The following ZNF765 variants were observed in gnomAD, a reference collection of about 807,000 sequenced individuals.
ZNF765 encodes the protein zinc finger protein 765.
A neutral mutation model predicts 44.7 loss-of-function variants in ZNF765; 37 were observed. The ratio of observed to expected loss-of-function variants is 0.83; its 90% CI spans 0.64 to 1.09. The LOEUF is 1.09. Ranked by LOEUF, ZNF765 falls within the 50% of genes least tolerant of loss-of-function variation. ZNF765 has a pLI of 0.00. For missense variants in ZNF765, 594 were observed against 626.1 expected (o/e 0.95, Z 0.55); for synonymous variants, 201 against 213.7 (o/e 0.94, Z 0.52).
chr19:53,425,901 C>T (rs2085936248), exon 4 of ZNF765: 1 of 152,360 alleles, frequency 6.6e-6, no homozygotes, highest in Non-Finnish European at 1.5e-5. Flanking sequence ...AGATCGAAAC[C>T]ATCCTGGCCA....
rs374774697 is a variant in ZNF765 at position 53,400,763 on chromosome 19, C to CATACATATATAT, written c.16-1299_16-1298insCATATATATATA. On this transcript the variant is annotated intron_variant, in intron 2 of 3. Coordinates refer to ENST00000396408, the MANE Select transcript of ZNF765 (RefSeq NM_001040185.3). The stretch of plus-strand genomic sequence containing the variant: ...CTGTGTAGGTTTCATTATTTGTTGA[C>CATACATATATAT]ATATATATATATATATATATACACA... 1.7e-5 allele frequency among the ~76,000 whole-genome samples: 2 copies of CATACATATATAT among 116,784 alleles called. 1 individual carries two copies. The allele number at this position is 116,784 out of a possible 152,430, so 76.6% of individuals were successfully genotyped here. A position where few individuals can be genotyped will look rare whatever the true frequency, so the allele number is the denominator to read the frequency against.
exon 4 of ZNF765, chr19:53,426,849 A>G (rs1183610663): frequency 6.6e-6 from 1 of 151,834 alleles, no homozygotes; most frequent in Admixed American, 6.6e-5. Flanking sequence ...GCTAATCTAG[A>G]CAGTTCTCTG....
downstream of ZNF765, among the ~76,000 whole-genome samples, chr19:53,412,180 C>T (rs1326934325): frequency 6.6e-6 from 1 of 152,122 alleles, no homozygotes; most frequent in Non-Finnish European, 1.5e-5. Context: ...GATGGTCTTT[C>T]TATTGTTTAG....
rs1001127224 is a variant in ZNF765 at position 53,418,442 on chromosome 19, C to T, written c.143-4620C>T. Among the ~76,000 whole-genome samples, 28 of 152,130 alleles carry T rather than the reference C, an allele frequency of 1.8e-4. 1 individual carries two copies. Among genetic ancestry groups the T allele is most frequent in the Non-Finnish European group, 5.9e-5 (4 of 68,024 alleles). ...TGTGACAGCAGGTGAGTACACAGAA[C>T]CACAATCCCATATCTAGCAGCCTGG... On this transcript the variant is annotated intron_variant, in intron 3 of 3. Transcript: ENST00000594030.
intron 2 of ZNF765, among the ~76,000 whole-genome samples, chr19:53,399,496 CA>C (rs1193069220): frequency 1.3e-5 from 2 of 151,528 alleles, no homozygotes; most frequent in East Asian, 3.9e-4. Flanking sequence ...AAAAATTATT[CA>C]ATAAATTGAA....
intron 1 of ZNF765, among the ~76,000 whole-genome samples, chr19:53,395,415 A>G (rs566738116): frequency 6.6e-6 from 1 of 152,240 alleles, no homozygotes; most frequent in African/African-American, 2.4e-5. Context: ...AGGGCAATGT[A>G]TACACTTTCT....
At position 53,411,109 on chromosome 19, in the gene ZNF765, A is replaced by G. The variant is rs2085829395; in HGVS notation, c.*1982A>G. 3 of 239,592 alleles carry G rather than the reference A, an allele frequency of 1.3e-5. No individual in the cohort carries two copies. The Admixed American group carries it at 1.5e-4, about 12-fold the overall frequency. The allele number at this position is 239,592 out of a possible 1,614,324, so 14.8% of individuals were successfully genotyped here. A position where few individuals can be genotyped will look rare whatever the true frequency, so the allele number is the denominator to read the frequency against. ...TAACATTGAGTTGAAGCCTTAATTGACATTAAAGTGTTTATGTTAAGAGGA... is the reference window on the plus strand; with the variant it reads ...TAACATTGAGTTGAAGCCTTAATTGGCATTAAAGTGTTTATGTTAAGAGGA... On this transcript the variant is annotated 3_prime_UTR_variant, in exon 4 of 4. Transcript: ENST00000396408.
At position 53,408,981 on chromosome 19, in the gene ZNF765, A is replaced by T. The variant is rs2085807373; in HGVS notation, c.1426A>T (p.Ser476Cys). ...GTGTAATGAGTGTGGCAAGACCTTC[A>T]GCCGGACGTCATCCCTTACATACCA... ...YKCNECGKTF[S>C]RTSSLTYHHR... Residue 476 changes from serine to cysteine, a missense_variant, in exon 4 of 4, where the codon AGC becomes TGC. This residue lies in a region of ZNF765 where 567 missense variants were observed against 572.6 expected (regional missense o/e 0.99). Coordinates refer to ENST00000396408, the MANE Select transcript of ZNF765 (RefSeq NM_001040185.3). 2 of 1,604,018 alleles carry T rather than the reference A, an allele frequency of 1.2e-6. No individual in the cohort carries two copies. The highest frequency in any genetic ancestry group is 3.4e-5 in the Admixed American group (2 of 59,594).
At position 53,409,017 on chromosome 19, in the gene ZNF765, C is replaced by T; in HGVS notation, c.1462C>T (p.His488Tyr). 1.2e-6 allele frequency: 2 copies of T among 1,603,730 alleles called. No homozygotes were observed. The highest frequency in any genetic ancestry group is 8.5e-7 in the Non-Finnish European group (1 of 1,172,870). ...TSSLTYHHRL[H>Y]TGQKPYKCED... ...ATCCCTTACATACCATCATAGACTTCATACTGGACAGAAACCTTACAAATG... is the reference window on the plus strand; with the variant it reads ...ATCCCTTACATACCATCATAGACTTTATACTGGACAGAAACCTTACAAATG... The change falls in exon 4 of 4, where the codon CAT becomes TAT. Residue 488 changes from histidine to tyrosine, a missense_variant. His to Tyr is a moderately conservative substitution (Grantham distance 83). This residue lies in a region of ZNF765 where 567 missense variants were observed against 572.6 expected (regional missense o/e 0.99). Coordinates refer to ENST00000396408, the MANE Select transcript of ZNF765 (RefSeq NM_001040185.3).
At chr19:53,416,906 C>T (rs1257835667), downstream of ZNF765, among the ~76,000 whole-genome samples, 1 of 151,882 alleles carries the variant, frequency 6.6e-6, no homozygotes, top group African/African-American at 2.4e-5. Flanking sequence ...CAACCTCTGC[C>T]TCGCAGGTTT....
downstream of ZNF765, among the ~76,000 whole-genome samples, chr19:53,414,934 T>C (rs1753869570): frequency 6.6e-6 from 1 of 152,160 alleles, no homozygotes; most frequent in African/African-American, 2.4e-5. Context: ...GAATCTGATG[T>C]GGCATTTTAA....
At position 53,410,097 on chromosome 19, in the gene ZNF765, T is replaced by G; in HGVS notation, c.*970T>G. The G allele has an allele frequency of 2.2e-6, 1 of 450,212 alleles. No individual in the cohort carries two copies. The highest frequency in any genetic ancestry group is 6.1e-4 in the Middle Eastern group (1 of 1,630). 27.9% of individuals were successfully genotyped at this position (450,212 alleles called of 1,614,324 possible). ...AGTCGTATTAGAAACCTTACAAATG[T>G]GAAGAATGTGATGAAGCTTTCAGAT... is the stretch of plus-strand genomic sequence containing the variant. On this transcript the variant is annotated 3_prime_UTR_variant, in exon 4 of 4. Transcript: ENST00000396408.
At chr19:53,405,346 C>T (rs1370200134) in intron 3 of ZNF765, among the ~76,000 whole-genome samples, 3 of 152,080 alleles carry the variant, frequency 2.0e-5, no homozygotes, top group East Asian at 1.9e-4. Flanking sequence ...AGTAAGACTC[C>T]GGGCTGAGGT....
At chr19:53,419,600 A>G (rs898455862) in intron 3 of ZNF765, among the ~76,000 whole-genome samples, 1 of 152,224 alleles carries the variant, frequency 6.6e-6, no homozygotes, top group Non-Finnish European at 1.5e-5. Flanking sequence ...TGATCACAAC[A>G]ATTCGGTAAG....
Position 53,408,581 on chromosome 19 carries a change from T to C in ZNF765, c.1026T>C (p.Leu342=). Residue 342 remains leucine (L), a synonymous_variant, in exon 4 of 4, where the codon CTT becomes CTC. Coordinates refer to ENST00000396408, the MANE Select transcript of ZNF765 (RefSeq NM_001040185.3). Reference sequence around the variant, plus strand: ...AGACCTTTAGTCAGAAGTCGTACCTTACATGCCATCGTAGGCTTCATACTG... The same window carrying C: ...AGACCTTTAGTCAGAAGTCGTACCTCACATGCCATCGTAGGCTTCATACTG... The part of the protein sequence containing the change: ...CGKTFSQKSY[L]TCHRRLHTGE... 6.2e-7 allele frequency: 1 copy of C among 1,613,712 alleles called. No individual in the cohort carries two copies. Among genetic ancestry groups the C allele is most frequent in the Non-Finnish European group, 8.5e-7 (1 of 1,179,840 alleles).
chr19:53,414,432 C>CAA (rs1484988027), downstream of ZNF765, among the ~76,000 whole-genome samples: 5 of 96,326 alleles, frequency 5.2e-5, no homozygotes, highest in Admixed American at 1.3e-4. Flanking sequence ...CTGACCCTCC[C>CAA]CACCACACAC....
At chr19:53,423,807 T>TA (rs1056245252) in exon 4 of ZNF765, 8 of 160,404 alleles carry the variant, frequency 5.0e-5, no homozygotes, top group African/African-American at 1.9e-4. Flanking sequence ...CGAGGCTTGT[T>TA]AGTGCTGTGC....
intron 2 of ZNF765, among the ~76,000 whole-genome samples, chr19:53,400,783 T>TATATATATATATATACACAC (rs10664389): frequency 4.7e-5 from 6 of 126,776 alleles, no homozygotes; most frequent in African/African-American, 1.8e-4. Context: ...TATATATATA[T>TATATATATATATATACACAC]ACACACATAC....
chr19:53,421,757 G>A (rs748540214), intron 3 of ZNF765, among the ~76,000 whole-genome samples: 8 of 152,054 alleles, frequency 5.3e-5, no homozygotes, highest in Middle Eastern at 3.2e-3. Flanking sequence ...CAGGTGATCC[G>A]CCCACCTTTG....
Sources: allele counts gnomAD v4.1 joint callset (sites outside exome capture counted in the v4.1 genomes callset), GRCh38; gene constraint gnomAD v4.1.1; regional missense constraint gnomAD v4.1.1; transcripts MANE v1.5; gene names NCBI Gene and HGNC (gene_info 2026-07-23, HGNC 2026-07-21).